DIAPH2: variants seen among roughly 807,000 people sequenced by gnomAD.
DIAPH2 encodes diaphanous related formin 2.
Under a neutral mutation model 92.7 loss-of-function variants are expected in DIAPH2, and 35 were observed. The observed-to-expected ratio is 0.38, with a 90% CI of 0.29 to 0.50. The LOEUF (loss-of-function observed/expected upper bound fraction) is 0.50, where lower values mean the gene tolerates loss of function less well. DIAPH2 is among the 20% of genes least tolerant of loss of function. DIAPH2 has a pLI of 0.94. For missense variants in DIAPH2, 701 were observed against 819.5 expected (o/e 0.86, Z 1.77); for synonymous variants, 301 against 280.4 (o/e 1.07, Z -0.73).
chrX:97,084,925 A>G (rs2066772959), intron 19 of DIAPH2, among the ~76,000 whole-genome samples: 1 of 111,832 alleles, frequency 8.9e-6, no homozygotes, highest in Admixed American at 9.5e-5. Flanking sequence ...ATTGTTTCCA[A>G]CAGCTTTAAT....
chrX:97,376,850 A>G (rs192715928), intron 24 of DIAPH2, among the ~76,000 whole-genome samples: 1 of 112,523 alleles, frequency 8.9e-6, no homozygotes, highest in Non-Finnish European at 1.9e-5. Context: ...TTCGTCGACT[A>G]CAAACCTGTA....
chrX:97,453,193 G>A (rs912838244), intron 26 of DIAPH2, among the ~76,000 whole-genome samples: 4 of 110,675 alleles, frequency 3.6e-5, no homozygotes, highest in African/African-American at 1.3e-4. Flanking sequence ...TTACATTAAT[G>A]AATATCTTGA....
chrX:97,320,898 A>G (rs764418638), intron 23 of DIAPH2, among the ~76,000 whole-genome samples: 1 of 111,457 alleles, frequency 9.0e-6, no homozygotes, highest in Non-Finnish European at 1.9e-5. Context: ...GTAAAAAGAA[A>G]AGTATAAAAA....
At chrX:97,189,569 C>T (rs1375512469) in intron 22 of DIAPH2, among the ~76,000 whole-genome samples, 1 of 109,274 alleles carries the variant, frequency 9.2e-6, no homozygotes, top group Non-Finnish European at 1.9e-5. Flanking sequence ...CATCTATTGC[C>T]ATTGATATGT....
chrX:96,893,188 C>G (rs2065318890), intron 5 of DIAPH2, among the ~76,000 whole-genome samples: 1 of 111,618 alleles, frequency 9.0e-6, no homozygotes. Flanking sequence ...TATTCTACTT[C>G]CGTAAGACAA....
At chrX:97,354,529 C>T (rs1440634681) in intron 24 of DIAPH2, among the ~76,000 whole-genome samples, 2 of 111,393 alleles carry the variant, frequency 1.8e-5, no homozygotes, top group East Asian at 2.8e-4. Flanking sequence ...CCCACCACCA[C>T]GCCTGGCTAA....
intron 5 of DIAPH2, among the ~76,000 whole-genome samples, chrX:96,894,028 A>T (rs911757122): frequency 8.9e-6 from 1 of 112,161 alleles, no homozygotes; most frequent in South Asian, 3.7e-4. Flanking sequence ...TGAAGGCAGA[A>T]TATAGAAGAT....
At chrX:96,874,635 T>A (rs1456319700) in intron 4 of DIAPH2, among the ~76,000 whole-genome samples, 1 of 112,173 alleles carries the variant, frequency 8.9e-6, no homozygotes, top group Admixed American at 9.5e-5. Context: ...CCTTCAATTG[T>A]CCGTATCTCT....
chrX:97,146,007 CTTTTTTTTTTTTT>C (rs372292277), intron 22 of DIAPH2, among the ~76,000 whole-genome samples: 3 of 43,169 alleles, frequency 6.9e-5, no homozygotes, highest in African/African-American at 1.6e-4. Flanking sequence ...TTTCTTCTTC[CTTTTTTTTTTTTT>C]TTTTTTTTTT....
At chrX:96,854,598 CATATATATATATATATATAT>C (rs57209486) in intron 4 of DIAPH2, among the ~76,000 whole-genome samples, 154 of 37,121 alleles carry the variant, frequency 4.1e-3, no homozygotes, top group Middle Eastern at 0.035. Context: ...CTCTCTCTCT[CATATATATATATATATATAT>C]ATATATATAT....
At chrX:96,869,435 G>A (rs233202) in intron 4 of DIAPH2, among the ~76,000 whole-genome samples, 42,594 of 108,573 alleles carry the variant, frequency 0.39, 7,245 homozygotes, top group African/African-American at 0.64. Context: ...GGTGGCGCAC[G>A]CCTGGAGTCC....
chrX:96,700,542 T>A (rs987321918), intron 1 of DIAPH2, among the ~76,000 whole-genome samples: 1 of 112,732 alleles, frequency 8.9e-6, no homozygotes, highest in Admixed American at 9.4e-5. Context: ...TACTTTGTCA[T>A]CATTTGCTGA....
intron 26 of DIAPH2, among the ~76,000 whole-genome samples, chrX:97,465,745 A>G (rs2070506756): frequency 9.0e-6 from 1 of 111,468 alleles, no homozygotes; most frequent in Admixed American, 9.5e-5. Flanking sequence ...CTGGGGTGCA[A>G]TGGTGCAATC....
intron 21 of DIAPH2, among the ~76,000 whole-genome samples, chrX:97,138,594 A>G (rs73250786): frequency 0.078 from 8,729 of 111,445 alleles, 325 homozygotes; most frequent in Admixed American, 0.2. Flanking sequence ...TAATACAGTG[A>G]CTCACTCTTG....
chrX:97,278,099 C>A (rs2068466777), intron 23 of DIAPH2, among the ~76,000 whole-genome samples: 1 of 112,346 alleles, frequency 8.9e-6, no homozygotes, highest in African/African-American at 3.2e-5. Context: ...GTGCCTCGGC[C>A]TCCCAAAGTG....
At chrX:96,913,744 A>T (rs1244660874) in intron 7 of DIAPH2, among the ~76,000 whole-genome samples, 1 of 110,936 alleles carries the variant, frequency 9.0e-6, no homozygotes, top group South Asian at 3.8e-4. Flanking sequence ...CATCTCTGAA[A>T]AATTGCAGGG....
chrX:96,941,094 T>C (rs2065701310), intron 12 of DIAPH2, among the ~76,000 whole-genome samples: 1 of 112,000 alleles, frequency 8.9e-6, no homozygotes, highest in African/African-American at 3.2e-5. Context: ...ATTCTTATTC[T>C]TGGGACCAGA....
chrX:97,442,258 T>C (rs1353562584), intron 26 of DIAPH2: 1 of 113,000 alleles, frequency 8.8e-6, no homozygotes, highest in East Asian at 2.8e-4. Flanking sequence ...TTGGTTGTTT[T>C]AAGTTCATGT....
chrX:97,373,709 C>T (rs1433530579), intron 24 of DIAPH2, among the ~76,000 whole-genome samples: 1 of 104,030 alleles, frequency 9.6e-6, no homozygotes, highest in Non-Finnish European at 1.9e-5. Flanking sequence ...CAGGTTCAAG[C>T]GATTCTCCTG....
Sources: allele counts gnomAD v4.1 joint callset (sites outside exome capture counted in the v4.1 genomes callset), GRCh38; gene constraint gnomAD v4.1.1; transcripts MANE v1.5; gene names NCBI Gene and HGNC (gene_info 2026-07-23, HGNC 2026-07-21).